Variants in ARID1B observed in about 807,000 individuals in gnomAD.
The protein encoded by ARID1B is AT-rich interactive domain-containing protein 1B.
A neutral mutation model predicts 212.3 loss-of-function variants in ARID1B; 30 were observed. That is an observed-to-expected ratio of 0.14 (90% CI 0.11 to 0.19). ARID1B has a LOEUF of 0.19. ARID1B is among the 10% of genes least tolerant of loss of function. ARID1B has a pLI of 1.00. For synonymous variants in ARID1B, 1,402 were observed against 1,301.7 expected (o/e 1.08, Z -1.66); for missense variants, 2,891 against 3,204.0 (o/e 0.90, Z 2.36).
At chr6:156,948,741 C>T (rs980029064) in intron 4 of ARID1B, among the ~76,000 whole-genome samples, 1 of 152,138 alleles carries the variant, frequency 6.6e-6, no homozygotes, top group Non-Finnish European at 1.5e-5. Flanking sequence ...CAAATTATTT[C>T]ACTGGCTTAT....
intron 4 of ARID1B, among the ~76,000 whole-genome samples, chr6:157,039,423 C>T (rs7775370): frequency 0.19 from 28,178 of 146,822 alleles, 2,954 homozygotes; most frequent in East Asian, 0.39. Flanking sequence ...CTCCGCTTCC[C>T]GGGTTCACGC....
At chr6:156,929,491 T>A (rs1791521659) in intron 3 of ARID1B, among the ~76,000 whole-genome samples, 1 of 152,174 alleles carries the variant, frequency 6.6e-6, no homozygotes, top group South Asian at 2.1e-4. Context: ...AGGCTTCTGT[T>A]TCCCTTTTAC....
chr6:156,890,182 A>G (rs1445493713), intron 2 of ARID1B, among the ~76,000 whole-genome samples: 1 of 152,102 alleles, frequency 6.6e-6, no homozygotes, highest in African/African-American at 2.4e-5. Context: ...TAGAATATTC[A>G]CTCCGCAGAA....
chr6:156,901,701 T>G, intron 3 of ARID1B, 176 bp downstream of exon 3: 1 of 832,188 alleles, frequency 1.2e-6, no homozygotes, highest in Admixed American at 3.1e-5. Flanking sequence ...TCTTTTCCCC[T>G]TTTGAGATTG....
intron 3 of ARID1B, among the ~76,000 whole-genome samples, chr6:156,922,776 C>T (rs1387779700): frequency 1.3e-5 from 2 of 152,224 alleles, no homozygotes; most frequent in African/African-American, 2.4e-5. Flanking sequence ...CAGACAAATA[C>T]ATGCATCACA....
At chr6:156,941,262 G>A (rs1582995696) in intron 4 of ARID1B, 1 of 152,292 alleles carries the variant, frequency 6.6e-6, no homozygotes, top group East Asian at 1.9e-4. Context: ...CCTGTGCCAG[G>A]GAGGAAGAGG....
intron 4 of ARID1B, among the ~76,000 whole-genome samples, chr6:156,965,488 G>T (rs62422605): frequency 0.31 from 47,576 of 152,054 alleles, 7,571 homozygotes; most frequent in African/African-American, 0.32. Flanking sequence ...GCCTAGTTTA[G>T]TAGGCGTTAA....
intron 4 of ARID1B, among the ~76,000 whole-genome samples, chr6:156,990,926 A>G (rs1023961764): frequency 1.6e-4 from 24 of 152,262 alleles, no homozygotes; most frequent in Admixed American, 2.6e-4. Flanking sequence ...ATTAATAATT[A>G]TAACTATAAT....
chr6:156,834,862 A>G (rs1484019678), intron 2 of ARID1B, among the ~76,000 whole-genome samples: 1 of 152,208 alleles, frequency 6.6e-6, no homozygotes, highest in East Asian at 1.9e-4. Flanking sequence ...TTTATACCTC[A>G]CATTTCTGCT....
Position 157,206,961 on chromosome 6 carries a change from G to T in ARID1B, c.6189G>T (p.Ser2063=), listed in dbSNP as rs145972566. The change falls in exon 20 of 20, where the codon TCG becomes TCT. Residue 2063 remains serine (S), a synonymous_variant. Transcript: ENST00000636930. This position sits in a 1 kb window ranked among gnomAD's most constrained non-coding sequence, Gnocchi z 6.8. ...PLCTIAHWQD[S]LAKRCICVSN... ...GTACCATCGCGCACTGGCAGGACTCGCTGGCTAAGCGATGCATCTGTGTGT... is the reference window on the plus strand; with the variant it reads ...GTACCATCGCGCACTGGCAGGACTCTCTGGCTAAGCGATGCATCTGTGTGT... 4 of 1,614,090 alleles carry T rather than the reference G, an allele frequency of 2.5e-6. No homozygotes were observed. The African/African-American group carries it at 5.3e-5, about 22-fold the overall frequency.
At chr6:156,913,876 A>C (rs1790120482) in intron 3 of ARID1B, among the ~76,000 whole-genome samples, 3 of 135,976 alleles carry the variant, frequency 2.2e-5, no homozygotes, top group Admixed American at 7.5e-5. Flanking sequence ...CCACCATCCC[A>C]CTCTTCACTT....
Position 156,976,837 on chromosome 6 carries a change from T to C in ARID1B, c.2247+41261T>C, listed in dbSNP as rs990382871. ...AGTTACATTGGCAAATTTGAAATCA[T>C]TGATGATCACAGAGCTGGGAAAATT... On this transcript the variant is annotated intron_variant, in intron 4 of 19. Coordinates refer to ENST00000636930, the MANE Select transcript of ARID1B (RefSeq NM_001374828.1). The C allele has an allele frequency of 4.1e-5, 24 of 578,390 alleles. 1 individual carries two copies. The highest frequency in any genetic ancestry group is 3.1e-4 in the South Asian group (23 of 73,078). 35.8% of individuals were successfully genotyped at this position (578,390 alleles called of 1,614,324 possible).
chr6:157,143,421 T>TA (rs1486100806), intron 7 of ARID1B, among the ~76,000 whole-genome samples: 1 of 147,586 alleles, frequency 6.8e-6, no homozygotes, highest in Non-Finnish European at 1.5e-5. Flanking sequence ...GGAAGAAAGA[T>TA]ACGTTATCGA....
At chr6:156,994,616 G>A (rs572931801) in intron 4 of ARID1B, among the ~76,000 whole-genome samples, 1 of 152,032 alleles carries the variant, frequency 6.6e-6, no homozygotes, top group Non-Finnish European at 1.5e-5. Flanking sequence ...CATATGTTAA[G>A]TCTGTAGGGT....
intron 4 of ARID1B, among the ~76,000 whole-genome samples, chr6:157,039,129 C>T: frequency 6.6e-6 from 1 of 151,990 alleles, no homozygotes; most frequent in South Asian, 2.1e-4. Flanking sequence ...CTTGGCCTCC[C>T]AAAGAGTAGT....
chr6:157,108,966 T>C (rs1414056728), intron 5 of ARID1B, among the ~76,000 whole-genome samples: 2 of 152,258 alleles, frequency 1.3e-5, no homozygotes, highest in African/African-American at 4.8e-5. Context: ...TTTTGCATTC[T>C]TCTCTAAACA....
In ARID1B at chr6:157,206,946, G is replaced by C. The variant is rs372334858; in HGVS notation, c.6174G>C (p.Ala2058=). ...ACGAGACTCCTCTGTGTACCATCGCGCACTGGCAGGACTCGCTGGCTAAGC... is the reference window on the plus strand; with the variant it reads ...ACGAGACTCCTCTGTGTACCATCGCCCACTGGCAGGACTCGCTGGCTAAGC... ...SRDETPLCTI[A]HWQDSLAKRC... Residue 2058 remains alanine, a synonymous_variant, in exon 20 of 20, where the codon GCG becomes GCC. Coordinates refer to ENST00000636930, the MANE Select transcript of ARID1B (RefSeq NM_001374828.1). This position sits in a 1 kb window ranked among gnomAD's most constrained non-coding sequence, Gnocchi z 6.8. 1.2e-6 allele frequency: 2 copies of C among 1,614,194 alleles called. No individual in the cohort carries two copies. Among genetic ancestry groups the C allele is most frequent in the Non-Finnish European group, 1.7e-6 (2 of 1,180,030 alleles).
At chr6:157,061,788 A>G (rs1783358313) in intron 4 of ARID1B, among the ~76,000 whole-genome samples, 1 of 152,222 alleles carries the variant, frequency 6.6e-6, no homozygotes, top group Admixed American at 6.5e-5. Context: ...AATAAAAAAG[A>G]TAGCTGATTC....
At chr6:157,153,824 GAGAC>G (rs1790369659) in intron 8 of ARID1B, among the ~76,000 whole-genome samples, 1 of 152,088 alleles carries the variant, frequency 6.6e-6, no homozygotes, top group Non-Finnish European at 1.5e-5. Flanking sequence ...CTTTTTTGTA[GAGAC>G]AGAGTCTCAC....
Sources: gnomAD v4.1 joint callset for allele counts (sites outside exome capture counted in the v4.1 genomes callset) on GRCh38, gnomAD v4.1.1 for gene constraint, Gnocchi (gnomAD v3.1) non-coding constraint, MANE v1.5 for transcripts, NCBI Gene and HGNC (gene_info 2026-07-23, HGNC 2026-07-21) for gene names.